Variants in DCDC2 observed in about 807,000 individuals in gnomAD.
DCDC2 encodes doublecortin domain-containing protein 2.
In DCDC2, 40 loss-of-function variants were observed where a neutral mutation model predicts 50.2. The ratio of observed to expected loss-of-function variants is 0.80; its 90% CI spans 0.62 to 1.04. The LOEUF (loss-of-function observed/expected upper bound fraction) is 1.04, where lower values mean the gene tolerates loss of function less well. DCDC2 is among the 50% of genes least tolerant of loss of function. The pLI, the probability that DCDC2 is intolerant of heterozygous loss-of-function variation, is 0.00. For synonymous variants in DCDC2, 234 were observed against 210.6 expected, an observed-to-expected ratio of 1.11 and a Z score of -0.96; for missense variants, 570 against 581.9, an observed-to-expected ratio of 0.98 and a Z score of 0.21.
chr6:24,344,908 G>C (rs1040120669), intron 2 of DCDC2, among the ~76,000 whole-genome samples: 1 of 152,160 alleles, frequency 6.6e-6, no homozygotes, highest in Non-Finnish European at 1.5e-5. Context: ...ATATCAGAGT[G>C]GTGGGGGAAA....
rs1042848588 is a variant in DCDC2, at chr6:24,314,330, A to G, written c.349-12286T>C. Reference sequence around the variant, plus strand: ...TCTACAAAAAGGTTTAAAATTAGCTAGGTGCAGTGGCTCATTCCTATAATC... The same window carrying G: ...TCTACAAAAAGGTTTAAAATTAGCTGGGTGCAGTGGCTCATTCCTATAATC... On this transcript the variant is annotated intron_variant, in intron 2 of 9. Transcript: ENST00000378454. 4.9e-4 allele frequency among the ~76,000 whole-genome samples: 75 copies of G among 152,184 alleles called. 1 individual carries two copies. Among genetic ancestry groups the G allele is most frequent in the African/African-American group, 1.6e-3 (68 of 41,542 alleles).
intron 2 of DCDC2, among the ~76,000 whole-genome samples, chr6:24,326,231 AAGGG>A (rs1759858962): frequency 6.9e-6 from 1 of 145,076 alleles, no homozygotes; most frequent in Non-Finnish European, 1.5e-5. Flanking sequence ...GGAAGGAAGG[AAGGG>A]AGGGAGGAAA....
At chr6:24,219,420 A>C (rs1057207597) in intron 7 of DCDC2, among the ~76,000 whole-genome samples, 7 of 152,254 alleles carry the variant, frequency 4.6e-5, no homozygotes, top group African/African-American at 1.7e-4. Context: ...TCAAGTTCAC[A>C]GGCAGCAAGT....
At chr6:24,269,654 G>A (rs189790893) in intron 7 of DCDC2, among the ~76,000 whole-genome samples, 2 of 152,156 alleles carry the variant, frequency 1.3e-5, no homozygotes, top group Admixed American at 1.3e-4. Context: ...TGAAACATGG[G>A]GAAGGAAATT....
In DCDC2 at chr6:24,278,029, G is replaced by A. The variant is rs1561755211; in HGVS notation, c.922+20C>T. The A allele has an allele frequency of 1.3e-6, 2 of 1,579,498 alleles. No homozygotes were observed. The highest frequency in any genetic ancestry group is 1.7e-6 in the Non-Finnish European group (2 of 1,154,984). ...AATTAAAATTGTATCACAGCCTTAA[G>A]ATAATAATAACACACTTACCACTAT... On this transcript the variant is annotated intron_variant, in intron 7 of 9. Coordinates refer to ENST00000378454, the MANE Select transcript of DCDC2 (RefSeq NM_016356.5).
the DCDC2 span, among the ~76,000 whole-genome samples, chr6:24,382,911 T>C: frequency 1.3e-4 from 20 of 152,218 alleles, no homozygotes; most frequent in Admixed American, 1.3e-3. Context: ...GATTTTTTTT[T>C]AGTTCATGGA....
At chr6:24,304,395 A>G (rs1336798055) in intron 2 of DCDC2, among the ~76,000 whole-genome samples, 2 of 152,194 alleles carry the variant, frequency 1.3e-5, no homozygotes, top group Admixed American at 6.5e-5. Context: ...AAGCATGAGA[A>G]TTGCTTGAAA....
chr6:24,285,797 T>C (rs1763592275), intron 6 of DCDC2, among the ~76,000 whole-genome samples: 1 of 152,236 alleles, frequency 6.6e-6, no homozygotes, highest in Non-Finnish European at 1.5e-5. Context: ...TCACTGTGAA[T>C]ACAAAGAGTT....
At chr6:24,180,014 A>T (rs1761031370) in intron 8 of DCDC2, among the ~76,000 whole-genome samples, 1 of 151,552 alleles carries the variant, frequency 6.6e-6, no homozygotes, top group African/African-American at 2.4e-5. Flanking sequence ...TTCAGAGCCA[A>T]GACTTTGGAG....
chr6:24,232,552 T>C (rs1213801015), intron 7 of DCDC2, among the ~76,000 whole-genome samples: 1 of 152,222 alleles, frequency 6.6e-6, no homozygotes, highest in Non-Finnish European at 1.5e-5. Context: ...AACCCTTTCA[T>C]TTTACAATTG....
At chr6:24,356,869 T>C (rs1214097769) in intron 1 of DCDC2, 1 of 152,356 alleles carries the variant, frequency 6.6e-6, no homozygotes, top group South Asian at 2.1e-4. Flanking sequence ...AGACAGACAG[T>C]CGACAAATAC....
intron 7 of DCDC2, among the ~76,000 whole-genome samples, chr6:24,229,483 C>T (rs140725779): frequency 2.1e-4 from 32 of 152,234 alleles, no homozygotes; most frequent in African/African-American, 7.0e-4. Context: ...TCCCCCTTGC[C>T]GTGTAACATT....
intron 2 of DCDC2, among the ~76,000 whole-genome samples, chr6:24,342,967 T>G (rs1760188338): frequency 2.0e-5 from 3 of 152,148 alleles, no homozygotes; most frequent in Admixed American, 2.0e-4. Context: ...ACAATTACCT[T>G]GTTGTCATTT....
At position 24,205,074 on chromosome 6, in the gene DCDC2, C is replaced by T. The variant is rs1460623778; in HGVS notation, c.951G>A (p.Glu317=). The T allele has an allele frequency of 3.1e-6, 5 of 1,614,156 alleles. No individual in the cohort carries two copies. The highest frequency in any genetic ancestry group is 4.2e-6 in the Non-Finnish European group (5 of 1,180,000). Residue 317 remains glutamate (E), a synonymous_variant, in exon 8 of 10, where the codon GAG becomes GAA. Coordinates refer to ENST00000378454, the MANE Select transcript of DCDC2 (RefSeq NM_016356.5). ...SDEGIFKAGA[E]RSETRGAAEV... ...CTGCTGCCCCCCGTGTTTCAGACCT[C>T]TCTGCTCCAGCTTTGAAAATGCCTT...
intron 7 of DCDC2, among the ~76,000 whole-genome samples, chr6:24,274,725 A>T (rs955929290): frequency 4.6e-5 from 7 of 152,118 alleles, no homozygotes; most frequent in African/African-American, 1.7e-4. Context: ...TTGGTAACTG[A>T]ATCAGTAAAT....
upstream of DCDC2, among the ~76,000 whole-genome samples, chr6:24,358,445 C>T (rs1355009851): frequency 6.8e-6 from 1 of 148,104 alleles, no homozygotes; most frequent in African/African-American, 2.5e-5. Flanking sequence ...AAGCCCCCGT[C>T]TCTATAACGC....
intron 2 of DCDC2, among the ~76,000 whole-genome samples, chr6:24,314,271 G>A (rs1326527841): frequency 1.3e-5 from 2 of 152,072 alleles, no homozygotes; most frequent in Non-Finnish European, 2.9e-5. Context: ...CTCAGAGTTC[G>A]AGACCAGTCT....
chr6:24,309,683 A>G (rs1391363368), intron 2 of DCDC2, among the ~76,000 whole-genome samples: 3 of 152,256 alleles, frequency 2.0e-5, no homozygotes, highest in Non-Finnish European at 4.4e-5. Flanking sequence ...GAACAAAAAA[A>G]CAAATAACAT....
chr6:24,209,076 C>T (rs1212779672), intron 7 of DCDC2, among the ~76,000 whole-genome samples: 1 of 152,040 alleles, frequency 6.6e-6, no homozygotes, highest in East Asian at 1.9e-4. Context: ...GAAAAGAATC[C>T]GAATGATATA....
Sources: gnomAD v4.1 joint callset for allele counts (sites outside exome capture counted in the v4.1 genomes callset) on GRCh38, gnomAD v4.1.1 for gene constraint, MANE v1.5 for transcripts, NCBI Gene and HGNC (gene_info 2026-07-23, HGNC 2026-07-21) for gene names.